Variants in TGS1 observed in about 807,000 individuals in gnomAD.
TGS1 encodes the protein trimethylguanosine synthase.
A neutral mutation model predicts 92.2 loss-of-function variants in TGS1; 69 were observed. The ratio of observed to expected loss-of-function variants is 0.75; its 90% CI spans 0.62 to 0.91. The LOEUF is 0.91. TGS1 is among the 40% of genes least tolerant of loss of function. The pLI is 0.00. For synonymous variants in TGS1, 345 were observed against 338.1 expected, an observed-to-expected ratio of 1.02 and a Z score of -0.22; for missense variants, 1,062 against 1,001.2, an observed-to-expected ratio of 1.06 and a Z score of -0.82.
chr8:55,786,884 A>G lies in TGS1; in HGVS notation c.986A>G (p.Glu329Gly), dbSNP rs944312053. Residue 329 changes from glutamate to glycine, a missense_variant, in exon 4 of 13, where the codon GAG becomes GGG. By Grantham distance (98) the Glu-to-Gly change is moderately conservative. Coordinates refer to ENST00000260129, the MANE Select transcript of TGS1 (RefSeq NM_024831.8). Reference protein sequence around the residue: ...DGISNIKLNSEEVTQSQLDSC... With the variant: ...DGISNIKLNSGEVTQSQLDSC... The stretch of plus-strand genomic sequence containing the variant: ...ATTAGTAACATAAAACTGAATTCAG[A>G]GGAAGTAACACAGAGCCAATTAGAT... 7 of 1,614,068 alleles carry G rather than the reference A, an allele frequency of 4.3e-6. No homozygotes were observed. Among genetic ancestry groups the G allele is most frequent in the Admixed American group, 3.3e-5 (2 of 60,008 alleles).
chr8:55,792,925 G>A, intron 6 of TGS1, 141 bp downstream of exon 6: 1 of 617,958 alleles, frequency 1.6e-6, no homozygotes, highest in Non-Finnish European at 2.9e-6. Context: ...AATTGTGGTA[G>A]AGATATCCCT....
intron 5 of TGS1, 30 bp downstream of exon 5, chr8:55,790,329 G>C (rs1355191153): frequency 1.4e-6 from 2 of 1,439,556 alleles, no homozygotes; most frequent in Non-Finnish European, 2.0e-6. Flanking sequence ...TCTCACCAGA[G>C]CGTGTTAGAG....
chr8:55,788,151 A>G (rs115687329), intron 4 of TGS1, among the ~76,000 whole-genome samples: 1 of 152,204 alleles, frequency 6.6e-6, no homozygotes. Context: ...AGAGGAGGAA[A>G]TTTCTGTGAC....
chr8:55,785,606 G>T, intron 2 of TGS1, 113 bp from the exon 3 acceptor site: 1 of 707,862 alleles, frequency 1.4e-6, no homozygotes, highest in Non-Finnish European at 2.2e-6. Flanking sequence ...TGTAACATTT[G>T]CATACCTTTA....
chr8:55,782,604 TTATAAGTGAGGGAAATG>T (rs1281777577), intron 1 of TGS1, 127 bp from the exon 2 acceptor site: 43 of 579,700 alleles, frequency 7.4e-5, no homozygotes, highest in Non-Finnish European at 8.1e-5. Context: ...TGCCTCTACA[TTATAAGTGAGGGAAATG>T]TATTAGCAGA....
chr8:55,806,356 CAA>C (rs1047234489), intron 10 of TGS1, among the ~76,000 whole-genome samples: 11 of 38,988 alleles, frequency 2.8e-4, no homozygotes, highest in African/African-American at 9.5e-4. Context: ...GACTCCACCT[CAA>C]AAAAAAAAAA....
chr8:55,790,128 G>C (rs974993423), intron 4 of TGS1, 54 bp from the exon 5 acceptor site: 24 of 1,342,756 alleles, frequency 1.8e-5, no homozygotes, highest in Middle Eastern at 1.8e-4. Context: ...GCAAATAGCA[G>C]AAAAGTTGTC....
At chr8:55,822,164 A>G (rs13254638) in intron 12 of TGS1, among the ~76,000 whole-genome samples, 3 of 150,770 alleles carry the variant, frequency 2.0e-5, no homozygotes, top group African/African-American at 7.3e-5. Context: ...CCGCCTCCTG[A>G]ATTCACGCCA....
chr8:55,818,594 A>G (rs974041891), intron 12 of TGS1, among the ~76,000 whole-genome samples: 9 of 152,238 alleles, frequency 5.9e-5, no homozygotes, highest in African/African-American at 2.2e-4. Flanking sequence ...TTAGAGCAGA[A>G]TCGTTTGTTC....
chr8:55,820,408 T>C (rs1803601284), intron 12 of TGS1, among the ~76,000 whole-genome samples: 1 of 151,890 alleles, frequency 6.6e-6, no homozygotes, highest in Admixed American at 6.6e-5. Flanking sequence ...ATTAGCCAGG[T>C]GCGCCAGTAA....
chr8:55,811,828 A>G (rs1200062318), intron 11 of TGS1, among the ~76,000 whole-genome samples: 6 of 152,322 alleles, frequency 3.9e-5, no homozygotes, highest in Admixed American at 2.0e-4. Context: ...GATAAATTCT[A>G]GTTTATTTTA....
chr8:55,779,901 G>T (rs1451316560), intron 1 of TGS1, among the ~76,000 whole-genome samples: 2 of 146,438 alleles, frequency 1.4e-5, no homozygotes, highest in African/African-American at 2.5e-5. Flanking sequence ...TTAAGACAGA[G>T]TCTTGCTCTG....
chr8:55,773,546 T>C lies in TGS1; in HGVS notation c.-73T>C. On this transcript the variant is annotated 5_prime_UTR_variant, in exon 1 of 13. Coordinates refer to ENST00000260129, the MANE Select transcript of TGS1 (RefSeq NM_024831.8). ...TTGCGGGCGAGGCCTGTTTTAAGTC[T>C]CCAGTAACCGAGCGGAGGCCCGGCA... 8.3e-7 allele frequency: 1 copy of C among 1,200,714 alleles called. No homozygotes were observed. The highest frequency in any genetic ancestry group is 1.2e-6 in the Non-Finnish European group (1 of 833,312). The allele number at this position is 1,200,714 out of a possible 1,614,324, so 74.4% of individuals were successfully genotyped here.
rs1803769422 is a variant in TGS1 at position 55,825,471 on chromosome 8, T to G, written c.*768T>G. 6.6e-6 allele frequency: 1 copy of G among 152,192 alleles called. No individual in the cohort carries two copies. The highest frequency in any genetic ancestry group is 6.6e-5 in the Admixed American group (1 of 15,264). 9.4% of individuals were successfully genotyped at this position (152,192 alleles called of 1,614,324 possible). A position where few individuals can be genotyped will look rare whatever the true frequency, so the allele number is the denominator to read the frequency against. On this transcript the variant is annotated 3_prime_UTR_variant, in exon 13 of 13. Coordinates refer to ENST00000260129, the MANE Select transcript of TGS1 (RefSeq NM_024831.8). ...AGAGGGATATGTGTTGCTTAATTAT[T>G]CATCTAAAAAGTTTGTTCAGTCATT...
In TGS1 at chr8:55,799,104, C is replaced by T. The variant is rs762600586; in HGVS notation, c.1733C>T (p.Ser578Leu). The change falls in exon 8 of 13, where the codon TCA becomes TTA. Residue 578 changes from serine (S) to leucine (L), a missense_variant. Coordinates refer to ENST00000260129, the MANE Select transcript of TGS1 (RefSeq NM_024831.8). ...PEPEKCQSVS[S>L]AGELETENYE... is the part of the protein sequence containing the mutation. ...CCTGAAAAGTGTCAGAGCGTATCTT[C>T]AGCTGGTGAACTTGAAACAGAAAAC... is the stretch of plus-strand genomic sequence containing the variant. 8 of 1,614,004 alleles carry T rather than the reference C, an allele frequency of 5.0e-6. No individual in the cohort carries two copies. The African/African-American group carries it at 1.1e-4, about 22-fold the overall frequency.
intron 10 of TGS1, among the ~76,000 whole-genome samples, chr8:55,806,695 T>G (rs1029542899): frequency 6.6e-6 from 1 of 152,114 alleles, no homozygotes; most frequent in African/African-American, 2.4e-5. Context: ...AACAATCTTG[T>G]GAATTATGTC....
chr8:55,822,947 C>T (rs1236571034), intron 12 of TGS1, among the ~76,000 whole-genome samples: 1 of 152,172 alleles, frequency 6.6e-6, no homozygotes, highest in East Asian at 1.9e-4. Context: ...CCTCTCTTTA[C>T]AAAATACACA....
chr8:55,809,300 G>T (rs926080113), intron 10 of TGS1, among the ~76,000 whole-genome samples: 5 of 152,176 alleles, frequency 3.3e-5, no homozygotes, highest in Non-Finnish European at 7.3e-5. Context: ...ATGTGTTCCA[G>T]TAGTTTAGCA....
intron 2 of TGS1, among the ~76,000 whole-genome samples, chr8:55,785,384 T>A (rs1811679701): frequency 6.6e-6 from 1 of 151,908 alleles, no homozygotes; most frequent in African/African-American, 2.4e-5. Context: ...TGTTTGTTTG[T>A]TTTCTTTTTT....
Sources: allele counts gnomAD v4.1 joint callset (sites outside exome capture counted in the v4.1 genomes callset), GRCh38; gene constraint gnomAD v4.1.1; transcripts MANE v1.5; gene names NCBI Gene and HGNC (gene_info 2026-07-23, HGNC 2026-07-21).